MBNL2: variants seen among roughly 807,000 people sequenced by gnomAD.
The protein encoded by MBNL2 is muscleblind-like protein 2.
Under a neutral mutation model 41.9 loss-of-function variants are expected in MBNL2, and 17 were observed. The ratio of observed to expected loss-of-function variants is 0.41; its 90% confidence interval spans 0.28 to 0.61. MBNL2 has a LOEUF of 0.61. Ranked by LOEUF, MBNL2 falls within the 20% of genes least tolerant of loss-of-function variation. The probability of loss-of-function intolerance (pLI) is 0.35; values close to 1 mark genes in which losing one functional copy is unlikely to be tolerated. For missense variants in MBNL2, 336 were observed against 505.6 expected (o/e 0.66, Z 3.22); for synonymous variants, 195 against 182.9 (o/e 1.07, Z -0.53).
At chr13:97,371,550 AC>A (rs2064381729) in intron 8 of MBNL2, among the ~76,000 whole-genome samples, 1 of 152,060 alleles carries the variant, frequency 6.6e-6, no homozygotes, top group African/African-American at 2.4e-5. Context: ...ATTGTGTGGT[AC>A]CTTGATGCCA....
At chr13:97,288,069 C>T (rs926747249) in intron 2 of MBNL2, among the ~76,000 whole-genome samples, 3 of 151,774 alleles carry the variant, frequency 2.0e-5, no homozygotes, top group African/African-American at 7.3e-5. Flanking sequence ...CCACCATGCC[C>T]GGCCTATGTT....
At chr13:97,251,583 T>C (rs1227194157) in intron 1 of MBNL2, among the ~76,000 whole-genome samples, 1 of 152,238 alleles carries the variant, frequency 6.6e-6, no homozygotes, top group East Asian at 1.9e-4. Flanking sequence ...TTATTTTTGT[T>C]GTTGTTATTC....
chr13:97,301,778 A>G (rs1423135363), intron 2 of MBNL2, among the ~76,000 whole-genome samples: 1 of 152,238 alleles, frequency 6.6e-6, no homozygotes, highest in African/African-American at 2.4e-5. Context: ...AAACACCACC[A>G]GCCTATATTA....
intron 8 of MBNL2, among the ~76,000 whole-genome samples, chr13:97,384,399 C>T (rs1270410701): frequency 1.3e-5 from 2 of 152,180 alleles, no homozygotes; most frequent in African/African-American, 4.8e-5. Flanking sequence ...TCAAAATGTA[C>T]ACATGTCCCT....
intron 2 of MBNL2, among the ~76,000 whole-genome samples, chr13:97,308,862 T>C (rs531205256): frequency 6.4e-4 from 97 of 152,320 alleles, no homozygotes; most frequent in Non-Finnish European, 1.3e-3. Context: ...CAAGTGACTG[T>C]GACTATGACA....
chr13:97,179,085 A>G, the MBNL2 span, among the ~76,000 whole-genome samples: 1 of 152,202 alleles, frequency 6.6e-6, no homozygotes, highest in Non-Finnish European at 1.5e-5. Context: ...AACAAGGAGT[A>G]ATTCACAGAC....
chr13:97,227,683 C>T (rs1442251721), intron 1 of MBNL2, among the ~76,000 whole-genome samples: 1 of 152,072 alleles, frequency 6.6e-6, no homozygotes, highest in East Asian at 1.9e-4. Flanking sequence ...AGCTAATTGA[C>T]TTGAATTTTG....
the MBNL2 span, among the ~76,000 whole-genome samples, chr13:97,158,181 G>A: frequency 1.1e-3 from 162 of 151,754 alleles, no homozygotes; most frequent in South Asian, 7.9e-3. Context: ...GTTTATTTGC[G>A]TAGAGGTGTT....
the MBNL2 span, among the ~76,000 whole-genome samples, chr13:97,207,901 G>A: frequency 6.6e-6 from 1 of 152,210 alleles, no homozygotes; most frequent in Non-Finnish European, 1.5e-5. Context: ...CCAAAACAAA[G>A]GGGCTACAGG....
At chr13:97,292,828 A>T (rs2056389361) in intron 2 of MBNL2, among the ~76,000 whole-genome samples, 3 of 151,984 alleles carry the variant, frequency 2.0e-5, no homozygotes, top group Middle Eastern at 3.4e-3. Flanking sequence ...TTTCTCAGGG[A>T]ATTATTTATT....
chr13:97,323,589 G>A (rs570824187), intron 2 of MBNL2, among the ~76,000 whole-genome samples: 13 of 152,270 alleles, frequency 8.5e-5, no homozygotes, highest in Admixed American at 3.3e-4. Flanking sequence ...ATACTAGGCC[G>A]TTGTATATCA....
chr13:97,225,193 A>G (rs2041416988), intron 1 of MBNL2, among the ~76,000 whole-genome samples: 1 of 152,212 alleles, frequency 6.6e-6, no homozygotes, highest in Non-Finnish European at 1.5e-5. Context: ...GAAATTCAAG[A>G]TCAGGTACTC....
At chr13:97,211,804 T>G in the MBNL2 span, among the ~76,000 whole-genome samples, 5 of 152,204 alleles carry the variant, frequency 3.3e-5, no homozygotes, top group African/African-American at 9.6e-5. Flanking sequence ...AAGATTAAAA[T>G]TTCATTATAA....
In MBNL2 at chr13:97,334,011, A is replaced by G. The variant is rs1356036593; in HGVS notation, c.175-265A>G. 5.3e-4 allele frequency among the ~76,000 whole-genome samples: 36 copies of G among 68,524 alleles called. No individual in the cohort carries two copies. Among genetic ancestry groups the G allele is most frequent in the Admixed American group, 7.6e-4 (5 of 6,590 alleles). The allele number at this position is 68,524 out of a possible 152,430, so 45.0% of individuals were successfully genotyped here. A position where few individuals can be genotyped will look rare whatever the true frequency, so the allele number is the denominator to read the frequency against. ...GGGAAAGAAAGAGAAAGAGAGAAAG[A>G]GAGAGAGGGAGGGAGGGAGGGAAAA... is the stretch of plus-strand genomic sequence containing the variant. On this transcript the variant is annotated intron_variant, in intron 2 of 8. Coordinates refer to ENST00000679496, the MANE Select transcript of MBNL2 (RefSeq NM_001382683.1). The surrounding 1 kb of genome is among the most constrained non-coding windows in gnomAD (Gnocchi z 5.3).
the MBNL2 span, among the ~76,000 whole-genome samples, chr13:97,189,009 T>C: frequency 6.6e-6 from 1 of 151,938 alleles, no homozygotes; most frequent in East Asian, 1.9e-4. Flanking sequence ...CATCCCTCCA[T>C]CTAGGGAGAC....
At chr13:97,376,755 A>G (rs2064998952) in intron 8 of MBNL2, among the ~76,000 whole-genome samples, 1 of 152,190 alleles carries the variant, frequency 6.6e-6, no homozygotes, top group Admixed American at 6.5e-5. Context: ...CAATTACATC[A>G]TAGATATGAA....
upstream of MBNL2, among the ~76,000 whole-genome samples, chr13:97,221,256 T>C (rs2040833019): frequency 6.6e-6 from 1 of 152,174 alleles, no homozygotes; most frequent in African/African-American, 2.4e-5. Context: ...TCATACTTTT[T>C]TTTTCTCAAA....
intron 1 of MBNL2, among the ~76,000 whole-genome samples, chr13:97,225,061 G>A (rs925705734): frequency 6.6e-6 from 1 of 152,234 alleles, no homozygotes; most frequent in African/African-American, 2.4e-5. Context: ...TACTGGTTAG[G>A]TAGCTTTACT....
At chr13:97,193,771 C>T in the MBNL2 span, among the ~76,000 whole-genome samples, 8 of 152,210 alleles carry the variant, frequency 5.3e-5, no homozygotes, top group South Asian at 1.0e-3. Flanking sequence ...CGTCAAGAAG[C>T]GGGTAGCCAG....
Sources: gnomAD v4.1 joint callset for allele counts (sites outside exome capture counted in the v4.1 genomes callset) on GRCh38, gnomAD v4.1.1 for gene constraint, Gnocchi (gnomAD v3.1) non-coding constraint, MANE v1.5 for transcripts, NCBI Gene and HGNC (gene_info 2026-07-23, HGNC 2026-07-21) for gene names.